Variants in GRM1 observed in about 807,000 individuals in gnomAD.
GRM1 encodes the protein glutamate metabotropic receptor 1, also known as metabotropic glutamate receptor 1.
A neutral mutation model predicts 90.9 loss-of-function variants in GRM1; 33 were observed. The ratio of observed to expected loss-of-function variants is 0.36; its 90% CI spans 0.28 to 0.49. The LOEUF (loss-of-function observed/expected upper bound fraction) is 0.49. Among genes scored for constraint, GRM1 ranks in the 20% least tolerant of loss-of-function variants. The pLI, the probability that GRM1 is intolerant of heterozygous loss-of-function variation, is 0.99. For synonymous variants in GRM1, 700 were observed against 613.2 expected (o/e 1.14, Z -2.09); for missense variants, 1,190 against 1,534.3 (o/e 0.78, Z 3.75).
At chr6:146,199,856 A>G (rs770410453) in intron 2 of GRM1, among the ~76,000 whole-genome samples, 2 of 152,192 alleles carry the variant, frequency 1.3e-5, no homozygotes, top group East Asian at 1.9e-4. Flanking sequence ...CATCTCTACT[A>G]AAAATACAAA....
intron 7 of GRM1, among the ~76,000 whole-genome samples, chr6:146,426,038 C>T (rs1778198417): frequency 1.3e-5 from 2 of 152,132 alleles, no homozygotes; most frequent in Admixed American, 1.3e-4. Flanking sequence ...GTTGCTGCTC[C>T]CTCTCTCTCT....
At chr6:146,135,636 C>A (rs1776590562) in intron 1 of GRM1, among the ~76,000 whole-genome samples, 1 of 151,962 alleles carries the variant, frequency 6.6e-6, no homozygotes, top group African/African-American at 2.4e-5. Context: ...TTTCCAAGGG[C>A]TTTTATTTTA....
chr6:146,064,539 T>C (rs1289076395), intron 1 of GRM1, among the ~76,000 whole-genome samples: 1 of 152,302 alleles, frequency 6.6e-6, no homozygotes, highest in South Asian at 2.1e-4. Flanking sequence ...TTCTTTTTGC[T>C]AAAATATGAT....
intron 7 of GRM1, among the ~76,000 whole-genome samples, chr6:146,418,757 A>T (rs750759479): frequency 3.3e-5 from 5 of 152,112 alleles, no homozygotes; most frequent in Non-Finnish European, 7.4e-5. Flanking sequence ...TTATTCAGTC[A>T]TTCATTTAAC....
At chr6:146,065,476 C>T (rs985093319) in intron 1 of GRM1, among the ~76,000 whole-genome samples, 1 of 152,160 alleles carries the variant, frequency 6.6e-6, no homozygotes, top group South Asian at 2.1e-4. Flanking sequence ...AATAATCATA[C>T]TTATCTTTTA....
intron 1 of GRM1, among the ~76,000 whole-genome samples, chr6:146,143,201 C>T (rs552668807): frequency 5.7e-4 from 87 of 152,288 alleles, no homozygotes; most frequent in Non-Finnish European, 1.1e-3. Context: ...GAGGTCCTCA[C>T]GTTCTTTGAA....
chr6:146,263,205 AT>A (rs1781762003), intron 2 of GRM1, among the ~76,000 whole-genome samples: 1 of 152,030 alleles, frequency 6.6e-6, no homozygotes, highest in Non-Finnish European at 1.5e-5. Context: ...AAATTTAGAA[AT>A]GGATAAAATA....
At chr6:146,034,513 G>A (rs1790814776) in intron 1 of GRM1, among the ~76,000 whole-genome samples, 1 of 151,900 alleles carries the variant, frequency 6.6e-6, no homozygotes, top group African/African-American at 2.4e-5. Context: ...GATTCAAGAG[G>A]AGGACTTGAA....
At chr6:146,215,643 T>G (rs1779843109) in intron 2 of GRM1, among the ~76,000 whole-genome samples, 1 of 139,276 alleles carries the variant, frequency 7.2e-6, no homozygotes, top group Non-Finnish European at 1.5e-5. Context: ...ATTAAAAAAA[T>G]TAACATCACC....
intron 1 of GRM1, among the ~76,000 whole-genome samples, chr6:146,092,388 A>T (rs1303665631): frequency 1.3e-5 from 2 of 151,768 alleles, no homozygotes; most frequent in African/African-American, 4.8e-5. Flanking sequence ...AACTATCTTC[A>T]CCTTTTGCAG....
At chr6:146,189,121 G>T (rs1439659875) in intron 2 of GRM1, among the ~76,000 whole-genome samples, 2 of 152,184 alleles carry the variant, frequency 1.3e-5, no homozygotes, top group Non-Finnish European at 2.9e-5. Context: ...GAAAGCAAAA[G>T]AATTCCAAAG....
chr6:146,227,134 T>C (rs1237403542), intron 2 of GRM1, among the ~76,000 whole-genome samples: 1 of 152,096 alleles, frequency 6.6e-6, no homozygotes, highest in Non-Finnish European at 1.5e-5. Context: ...CTATTGTATA[T>C]AACATATAAA....
At chr6:146,125,969 T>C (rs1776184071) in intron 1 of GRM1, among the ~76,000 whole-genome samples, 1 of 152,156 alleles carries the variant, frequency 6.6e-6, no homozygotes, top group South Asian at 2.1e-4. Flanking sequence ...TACATTTTTG[T>C]TTTTAATCTG....
chr6:146,378,951 G>A (rs12195183), intron 5 of GRM1, among the ~76,000 whole-genome samples: 36,311 of 151,998 alleles, frequency 0.24, 4,948 homozygotes, highest in Middle Eastern at 0.32. Context: ...ATGTGATTTT[G>A]TTACTCCTTT....
intron 1 of GRM1, among the ~76,000 whole-genome samples, chr6:146,130,408 T>A (rs1351577231): frequency 1.3e-5 from 2 of 152,018 alleles, no homozygotes; most frequent in Admixed American, 1.3e-4. Flanking sequence ...GTGGAGGATG[T>A]TAGATAGTTA....
chr6:146,434,431 C>A lies in GRM1; in HGVS notation c.3220C>A (p.His1074Asn). 1.2e-6 allele frequency: 2 copies of A among 1,613,860 alleles called. No homozygotes were observed. Among genetic ancestry groups the A allele is most frequent in the Non-Finnish European group, 1.7e-6 (2 of 1,179,922 alleles). Residue 1074 changes from histidine to asparagine, a missense_variant, in exon 8 of 8, where the codon CAC (histidine) becomes AAC (asparagine). This residue lies in a region of GRM1 where 400 missense variants were observed against 360.8 expected (regional missense o/e 1.11). Transcript: ENST00000282753. ...SLYPPPPPPQ[H>N]LQMLPLQLST... ...GTACCCGCCCCCGCCACCTCCGCAG[C>A]ACCTGCAGATGCTGCCGCTGCAGCT...
At chr6:146,045,215 T>A (rs1791281446) in intron 1 of GRM1, among the ~76,000 whole-genome samples, 1 of 151,982 alleles carries the variant, frequency 6.6e-6, no homozygotes, top group South Asian at 2.1e-4. Flanking sequence ...TTTAAAAAAT[T>A]ATAGAAAAGA....
In GRM1 at chr6:146,340,141, A is replaced by G. The variant is rs1045908267; in HGVS notation, c.1187-12109A>G. ...CACTACTGAAAAATCAATGCCAGGT[A>G]TGTACTTAGAGAAGCTTCTGTTAAT... On this transcript the variant is annotated intron_variant, in intron 3 of 7. Transcript: ENST00000282753. 2.6e-5 allele frequency among the ~76,000 whole-genome samples: 4 copies of G among 152,178 alleles called. No homozygotes were observed. The South Asian group carries it at 6.2e-4, about 24-fold the overall frequency.
chr6:146,204,503 A>T (rs568114822), intron 2 of GRM1, among the ~76,000 whole-genome samples: 1 of 152,176 alleles, frequency 6.6e-6, no homozygotes, highest in African/African-American at 2.4e-5. Context: ...ATGTAACTTC[A>T]TAGGGTCCAA....
Sources: gnomAD v4.1 joint callset for allele counts (sites outside exome capture counted in the v4.1 genomes callset) on GRCh38, gnomAD v4.1.1 for gene constraint, gnomAD v4.1.1 regional missense constraint, MANE v1.5 for transcripts, NCBI Gene and HGNC (gene_info 2026-07-23, HGNC 2026-07-21) for gene names.